Variants in PDE4D observed in about 807,000 individuals in gnomAD.
The protein encoded by PDE4D is 3',5'-cyclic-AMP phosphodiesterase 4D.
PDE4D carries 24 observed loss-of-function variants against 87.4 expected under a neutral mutation model. That is an observed-to-expected ratio of 0.27 (90% CI 0.20 to 0.39). The LOEUF (loss-of-function observed/expected upper bound fraction) is 0.39, where lower values mean the gene tolerates loss of function less well. Among genes scored for constraint, PDE4D ranks in the 10% least tolerant of loss-of-function variants. The pLI, the probability that PDE4D is intolerant of heterozygous loss-of-function variation, is 1.00. For synonymous variants in PDE4D, 384 were observed against 383.2 expected, an observed-to-expected ratio of 1.00 and a Z score of -0.02; for missense variants, 714 against 1,041.0, an observed-to-expected ratio of 0.69 and a Z score of 4.32.
chr5:59,893,571 T>A lies in PDE4D; in HGVS notation c.52A>T (p.Ser18Cys), dbSNP rs967054471. The A allele has an allele frequency of 1.3e-6, 2 of 1,528,860 alleles. No individual in the cohort carries two copies. The highest frequency in any genetic ancestry group is 8.8e-7 in the Non-Finnish European group (1 of 1,138,196). 94.7% of individuals were successfully genotyped at this position (1,528,860 alleles called of 1,614,324 possible). ...AGCGTGGCCCCGCCGGCGCTGTCGCTGCCCTCTCCGCTGCCCGCCCGGGCC... is the reference window on the plus strand; with the variant it reads ...AGCGTGGCCCCGCCGGCGCTGTCGCAGCCCTCTCCGCTGCCCGCCCGGGCC... ...APARAGSGEG[S>C]DSAGGATLKA... Residue 18 changes from serine (S) to cysteine (C), a missense_variant, in exon 1 of 15, where the codon AGC (serine) becomes TGC (cysteine). Ser to Cys is a moderately radical substitution (Grantham distance 112). Transcript: ENST00000340635.
chr5:60,368,230 T>C (rs1225695095), intron 1 of PDE4D, among the ~76,000 whole-genome samples: 3 of 152,236 alleles, frequency 2.0e-5, no homozygotes, highest in Non-Finnish European at 4.4e-5. Context: ...TTCTGCAGTT[T>C]ACAGGTAACA....
chr5:59,420,676 G>A (rs1182015595), intron 1 of PDE4D, among the ~76,000 whole-genome samples: 1 of 139,952 alleles, frequency 7.1e-6, no homozygotes, highest in Non-Finnish European at 1.5e-5. Flanking sequence ...ATAGCCACTG[G>A]ATTACTGCAC....
rs149797000 is a variant in PDE4D, at chr5:59,227,739, A to C, written c.456-11771T>G. ...AGAATGGCTATTACTAAAAAGTCAA[A>C]AAATAACAGATGCTGGCAAGGTTGC... On this transcript the variant is annotated intron_variant, in intron 1 of 14. Coordinates refer to ENST00000340635, the MANE Select transcript of PDE4D (RefSeq NM_001104631.2). Among the ~76,000 whole-genome samples, 334 of 152,294 alleles carry C rather than the reference A, an allele frequency of 2.2e-3. 2 individuals carry two copies. Among genetic ancestry groups the C allele is most frequent in the African/African-American group, 7.7e-3 (320 of 41,570 alleles).
chr5:60,320,534 T>C (rs1453598788), intron 1 of PDE4D, among the ~76,000 whole-genome samples: 2 of 152,110 alleles, frequency 1.3e-5, no homozygotes, highest in South Asian at 2.1e-4. Flanking sequence ...ACCTGGTACC[T>C]CTGTTGGAAA....
intron 1 of PDE4D, among the ~76,000 whole-genome samples, chr5:59,890,272 C>CAA (rs2152753113): frequency 6.9e-6 from 1 of 144,244 alleles, no homozygotes; most frequent in South Asian, 2.1e-4. Context: ...CACACACACA[C>CAA]ACACACACAC....
At chr5:59,144,350 T>C (rs771886552) in intron 5 of PDE4D, among the ~76,000 whole-genome samples, 2 of 152,178 alleles carry the variant, frequency 1.3e-5, no homozygotes, top group Non-Finnish European at 2.9e-5. Flanking sequence ...GTGAGATCCT[T>C]TCTAGCCATC....
At position 59,783,265 on chromosome 5, in the gene PDE4D, T is replaced by C. The variant is rs141523720; in HGVS notation, c.455+109903A>G. 8.4e-3 allele frequency among the ~76,000 whole-genome samples: 1,286 copies of C among 152,286 alleles called. 19 individuals are homozygous for C. The highest frequency in any genetic ancestry group is 0.03 in the African/African-American group (1,232 of 41,552). The stretch of plus-strand genomic sequence containing the variant: ...CTGGGCCACACCACCCCAGACCAGA[T>C]AAATAAGAATCTCTCAGGGTGTGAC... On this transcript the variant is annotated intron_variant, in intron 1 of 14. Coordinates refer to ENST00000340635, the MANE Select transcript of PDE4D (RefSeq NM_001104631.2).
In PDE4D at chr5:59,893,269, A is replaced by G. The variant is rs1489906283; in HGVS notation, c.354T>C (p.Cys118=). ...GYSDTERYLY[C]RAMDRTSYAV... ...CGTAGGAGGTGCGGTCCATGGCGCG[A>G]CAGTACAGGTAGCGCTCGGTGTCCG... Residue 118 remains cysteine, a synonymous_variant, in exon 1 of 15, where the codon TGT becomes TGC. Transcript: ENST00000340635. 2 of 1,551,196 alleles carry G rather than the reference A, an allele frequency of 1.3e-6. No individual in the cohort carries two copies. The highest frequency in any genetic ancestry group is 2.4e-5 in the South Asian group (2 of 83,954).
At chr5:59,303,717 T>G (rs1770719492) in intron 1 of PDE4D, among the ~76,000 whole-genome samples, 1 of 152,186 alleles carries the variant, frequency 6.6e-6, no homozygotes, top group African/African-American at 2.4e-5. Flanking sequence ...TGGGTTTATC[T>G]CCGGGTTCTC....
chr5:60,455,536 A>G (rs948156951), intron 1 of PDE4D, among the ~76,000 whole-genome samples: 12 of 152,220 alleles, frequency 7.9e-5, no homozygotes, highest in Non-Finnish European at 4.4e-5. Context: ...CAACAAGTAC[A>G]AACTACAGTA....
At chr5:59,313,838 C>T (rs1773169856) in intron 1 of PDE4D, among the ~76,000 whole-genome samples, 1 of 152,104 alleles carries the variant, frequency 6.6e-6, no homozygotes, top group Non-Finnish European at 1.5e-5. Flanking sequence ...TGGAAAGGCC[C>T]TTTTACTGTT....
chr5:60,335,450 TAGA>T (rs1757672781), intron 1 of PDE4D, among the ~76,000 whole-genome samples: 2 of 152,194 alleles, frequency 1.3e-5, no homozygotes, highest in African/African-American at 4.8e-5. Context: ...GGTTACTTTT[TAGA>T]AGAATGGCTC....
At chr5:59,028,910 T>G (rs955785415) in intron 6 of PDE4D, among the ~76,000 whole-genome samples, 2 of 152,226 alleles carry the variant, frequency 1.3e-5, no homozygotes, top group Non-Finnish European at 2.9e-5. Context: ...TTTTCTCATT[T>G]TGTTATTCAT....
At position 60,424,878 on chromosome 5, in the gene PDE4D, A is replaced by T. The variant is rs1743538201; in HGVS notation, c.-90+63064T>A. Among the ~76,000 whole-genome samples, 3 of 152,232 alleles carry T rather than the reference A, an allele frequency of 2.0e-5. No individual in the cohort carries two copies. In the South Asian group the frequency reaches 6.2e-4, roughly 32 times the overall value. On this transcript the variant is annotated intron_variant, in intron 1 of 16. Coordinates refer to the PDE4D transcript ENST00000502484. ...ATGTGCAAAAATCACAAGCATTCTGATATACAAATAACAGACAAATAGAGA... is the reference window on the plus strand; with the variant it reads ...ATGTGCAAAAATCACAAGCATTCTGTTATACAAATAACAGACAAATAGAGA...
intron 6 of PDE4D, among the ~76,000 whole-genome samples, chr5:59,003,177 C>T (rs1455733610): frequency 6.6e-6 from 1 of 152,172 alleles, no homozygotes; most frequent in Admixed American, 6.5e-5. Flanking sequence ...ACTGCCAGAT[C>T]AATTTTCCTC....
At chr5:60,184,988 T>C (rs1310649890) in intron 2 of PDE4D, among the ~76,000 whole-genome samples, 1 of 152,116 alleles carries the variant, frequency 6.6e-6, no homozygotes, top group Non-Finnish European at 1.5e-5. Flanking sequence ...ATTTAAAAAG[T>C]ATCATGACTG....
intron 1 of PDE4D, among the ~76,000 whole-genome samples, chr5:59,863,621 T>A (rs1347972156): frequency 6.6e-6 from 1 of 152,160 alleles, no homozygotes; most frequent in South Asian, 2.1e-4. Context: ...TCTATCTACA[T>A]GTTAATTCTC....
chr5:59,369,023 A>G (rs1252899659), intron 1 of PDE4D, among the ~76,000 whole-genome samples: 1 of 152,248 alleles, frequency 6.6e-6, no homozygotes, highest in African/African-American at 2.4e-5. Flanking sequence ...GTCAAACATA[A>G]AAACGATGTG....
chr5:59,088,633 A>G (rs537567733), intron 5 of PDE4D, among the ~76,000 whole-genome samples: 46 of 152,312 alleles, frequency 3.0e-4, no homozygotes, highest in Non-Finnish European at 6.0e-4. Flanking sequence ...AAAAAGAATG[A>G]GATAGTGTCC....
Sources: allele counts gnomAD v4.1 joint callset (sites outside exome capture counted in the v4.1 genomes callset), GRCh38; gene constraint gnomAD v4.1.1; transcripts MANE v1.5; gene names NCBI Gene and HGNC (gene_info 2026-07-23, HGNC 2026-07-21).